ADAMTSL1: variants seen among roughly 807,000 people sequenced by gnomAD.
ADAMTSL1 encodes ADAMTS-like protein 1.
ADAMTSL1 carries 126 observed loss-of-function variants against 201.8 expected under a neutral mutation model. The observed-to-expected ratio is 0.62, with a 90% CI of 0.54 to 0.72. The LOEUF is 0.72. ADAMTSL1 is among the 30% of genes least tolerant of loss of function. The pLI is 0.00. For missense variants in ADAMTSL1, 2,679 were observed against 2,277.8 expected, an observed-to-expected ratio of 1.18 and a Z score of -3.59; for synonymous variants, 1,121 against 903.4, an observed-to-expected ratio of 1.24 and a Z score of -4.32.
At chr9:18,784,055 C>A (rs1821558271) in intron 19 of ADAMTSL1, among the ~76,000 whole-genome samples, 1 of 152,178 alleles carries the variant, frequency 6.6e-6, no homozygotes, top group Non-Finnish European at 1.5e-5. Flanking sequence ...TTACCATATC[C>A]TTGACCTCAT....
At chr9:18,033,619 TAC>T (rs1821070439) in intron 1 of ADAMTSL1, among the ~76,000 whole-genome samples, 1 of 152,196 alleles carries the variant, frequency 6.6e-6, no homozygotes, top group Admixed American at 6.5e-5. Context: ...CATCCTTTGA[TAC>T]AGAAATGGAA....
At chr9:18,702,207 G>T (rs1831964206) in intron 13 of ADAMTSL1, among the ~76,000 whole-genome samples, 2 of 152,150 alleles carry the variant, frequency 1.3e-5, no homozygotes, top group Non-Finnish European at 2.9e-5. Context: ...CAACACATGG[G>T]AATTATGAGA....
chr9:18,642,305 A>C (rs202107882), intron 7 of ADAMTSL1, among the ~76,000 whole-genome samples: 1 of 119,932 alleles, frequency 8.3e-6, no homozygotes, highest in Non-Finnish European at 1.8e-5. Flanking sequence ...TTATTAATTA[A>C]TTTTTAATTA....
At chr9:18,893,491 G>T (rs569722975) in intron 26 of ADAMTSL1, among the ~76,000 whole-genome samples, 37 of 152,052 alleles carry the variant, frequency 2.4e-4, no homozygotes, top group Non-Finnish European at 4.1e-4. Context: ...AGTACGTGTC[G>T]AGCTTTAATG....
Position 18,569,795 on chromosome 9 carries a change from A to G in ADAMTSL1, c.238-4235A>G, listed in dbSNP as rs190194329. Reference sequence around the variant, plus strand: ...ATACATGTAAGCATATTTAAACCATAATTCATTTGTTTTATTCTTTATTTT... The same window carrying G: ...ATACATGTAAGCATATTTAAACCATGATTCATTTGTTTTATTCTTTATTTT... On this transcript the variant is annotated intron_variant, in intron 3 of 28. Transcript: ENST00000380548. Among the ~76,000 whole-genome samples, 45 of 152,302 alleles carry G rather than the reference A, an allele frequency of 3.0e-4. 1 individual carries two copies. The East Asian group carries it at 8.1e-3, about 27-fold the overall frequency.
At chr9:18,768,455 C>CTTTTTTTTTTT (rs10659731) in intron 16 of ADAMTSL1, among the ~76,000 whole-genome samples, 1 of 117,010 alleles carries the variant, frequency 8.5e-6, no homozygotes, top group African/African-American at 3.3e-5. Flanking sequence ...TGAGCCTCAG[C>CTTTTTTTTTTT]TTTTTTTTTT....
intron 2 of ADAMTSL1, among the ~76,000 whole-genome samples, chr9:18,169,202 T>C (rs1269365828): frequency 6.6e-6 from 1 of 151,910 alleles, no homozygotes; most frequent in Non-Finnish European, 1.5e-5. Flanking sequence ...TCCTTGCCCA[T>C]GCCTATGTCC....
intron 25 of ADAMTSL1, 146 bp from the exon 26 acceptor site, chr9:18,892,243 C>G (rs951239086): frequency 9.1e-5 from 67 of 737,898 alleles, no homozygotes; most frequent in Non-Finnish European, 1.4e-4. Context: ...ATTTTTCAGC[C>G]TATCAATCAT....
chr9:17,992,460 G>C (rs1472279411), intron 1 of ADAMTSL1, among the ~76,000 whole-genome samples: 1 of 151,742 alleles, frequency 6.6e-6, no homozygotes, highest in Non-Finnish European at 1.5e-5. Flanking sequence ...TGCCAACTTT[G>C]TTTCTTTTCA....
intron 1 of ADAMTSL1, among the ~76,000 whole-genome samples, chr9:18,080,255 CAT>C (rs1823433570): frequency 6.6e-6 from 1 of 152,070 alleles, no homozygotes; most frequent in African/African-American, 2.4e-5. Flanking sequence ...ACACCAAAGA[CAT>C]ATAAGGTAGA....
intron 1 of ADAMTSL1, among the ~76,000 whole-genome samples, chr9:18,156,441 A>C (rs559219801): frequency 3.3e-5 from 5 of 152,166 alleles, no homozygotes; most frequent in Admixed American, 6.5e-5. Context: ...GATGTTGACC[A>C]ATATAAACAT....
At chr9:18,636,827 T>C (rs571311668) in intron 6 of ADAMTSL1, among the ~76,000 whole-genome samples, 1 of 152,264 alleles carries the variant, frequency 6.6e-6, no homozygotes, top group African/African-American at 2.4e-5. Flanking sequence ...TTCACTTCAG[T>C]TGGTTCCTTG....
intron 1 of ADAMTSL1, among the ~76,000 whole-genome samples, chr9:18,036,389 T>A (rs1821197166): frequency 6.6e-6 from 1 of 152,214 alleles, no homozygotes; most frequent in African/African-American, 2.4e-5. Flanking sequence ...AATATGAACA[T>A]CTTCCAGTTG....
chr9:18,337,204 G>A (rs554642589), intron 2 of ADAMTSL1, among the ~76,000 whole-genome samples: 28 of 152,218 alleles, frequency 1.8e-4, no homozygotes, highest in African/African-American at 6.7e-4. Context: ...GACCAGACTG[G>A]CTGAGTCTTC....
chr9:18,603,305 T>A (rs1824780492), intron 4 of ADAMTSL1, among the ~76,000 whole-genome samples: 1 of 152,160 alleles, frequency 6.6e-6, no homozygotes, highest in South Asian at 2.1e-4. Context: ...ATAGCAGAAC[T>A]TAGATTCAGA....
intron 14 of ADAMTSL1, among the ~76,000 whole-genome samples, chr9:18,711,393 C>CTA (rs1554737759): frequency 1.2e-4 from 18 of 151,764 alleles, no homozygotes; most frequent in Admixed American, 2.0e-4. Flanking sequence ...GTGAGCACAC[C>CTA]GTGCGCGAGC....
At chr9:18,190,765 T>C (rs1473790451) in intron 2 of ADAMTSL1, among the ~76,000 whole-genome samples, 2 of 152,190 alleles carry the variant, frequency 1.3e-5, no homozygotes, top group African/African-American at 4.8e-5. Context: ...ATAACCATTC[T>C]CCTTGGCTTA....
chr9:18,004,570 C>A (rs1298006466), intron 1 of ADAMTSL1, among the ~76,000 whole-genome samples: 1 of 152,022 alleles, frequency 6.6e-6, no homozygotes, highest in African/African-American at 2.4e-5. Context: ...TTGTTATACT[C>A]AGTTATCTCA....
At position 18,140,176 on chromosome 9, in the gene ADAMTSL1, C is replaced by A. The variant is rs534613946; in HGVS notation, c.88-23686C>A. On this transcript the variant is annotated intron_variant, in intron 1 of 29. Transcript: ENST00000680146. ...CCCATAATAGGGAAGTTAGACTTGA[C>A]AAAAATTACCTAAATACAAAGTAAA... Among the ~76,000 whole-genome samples the A allele has an allele frequency of 6.6e-5, 10 of 152,160 alleles. No homozygotes were observed. In the South Asian group the frequency reaches 2.1e-3, roughly 32 times the overall value.
Sources: gnomAD v4.1 joint callset for allele counts (sites outside exome capture counted in the v4.1 genomes callset) on GRCh38, gnomAD v4.1.1 for gene constraint, MANE v1.5 for transcripts, NCBI Gene and HGNC (gene_info 2026-07-23, HGNC 2026-07-21) for gene names.